Variants in CPXM2 observed in about 807,000 individuals in gnomAD.
CPXM2 encodes the protein carboxypeptidase X, M14 family member 2.
A neutral mutation model predicts 86.1 loss-of-function variants in CPXM2; 66 were observed. That is an observed-to-expected ratio of 0.77 (90% CI 0.63 to 0.94). CPXM2 has a LOEUF of 0.94. CPXM2 is among the 40% of genes least tolerant of loss of function. The pLI, the probability that CPXM2 is intolerant of heterozygous loss-of-function variation, is 0.00. For missense variants in CPXM2, 948 were observed against 1,026.3 expected (o/e 0.92, Z 1.04); for synonymous variants, 388 against 400.2 (o/e 0.97, Z 0.36).
At chr10:123,936,761 A>G (rs902355918) in intron 2 of CPXM2, among the ~76,000 whole-genome samples, 3 of 149,966 alleles carry the variant, frequency 2.0e-5, no homozygotes, top group African/African-American at 7.4e-5. Flanking sequence ...CTCTCCCCAT[A>G]CTCCCACCTC....
intron 11 of CPXM2, 66 bp from the exon 12 acceptor site, chr10:123,757,418 C>T (rs1024728818): frequency 3.0e-6 from 4 of 1,348,426 alleles, no homozygotes; most frequent in African/African-American, 2.9e-5. Flanking sequence ...GAATGCGGCA[C>T]AGCGGGCAGC....
At chr10:123,875,285 G>A (rs1010941074) in intron 2 of CPXM2, among the ~76,000 whole-genome samples, 1 of 152,206 alleles carries the variant, frequency 6.6e-6, no homozygotes, top group African/African-American at 2.4e-5. Context: ...AAAATAGCAA[G>A]GAGTAGGGGC....
chr10:123,915,765 T>C (rs1945529770), intron 2 of CPXM2, among the ~76,000 whole-genome samples: 1 of 152,102 alleles, frequency 6.6e-6, no homozygotes, highest in East Asian at 1.9e-4. Flanking sequence ...ATGTATTATT[T>C]TGAAAGCTAA....
At chr10:123,788,435 G>C (rs888718181) in intron 6 of CPXM2, among the ~76,000 whole-genome samples, 1 of 152,084 alleles carries the variant, frequency 6.6e-6, no homozygotes. Flanking sequence ...AAGCAAGCCC[G>C]ATACGAAACT....
chr10:123,868,577 C>A (rs1406947923), intron 2 of CPXM2, among the ~76,000 whole-genome samples: 2 of 151,940 alleles, frequency 1.3e-5, no homozygotes, highest in Non-Finnish European at 2.9e-5. Flanking sequence ...ATTCTAAGGG[C>A]TGAAGGAAAA....
chr10:123,899,254 A>C (rs1452697757), intron 2 of CPXM2, among the ~76,000 whole-genome samples: 1 of 152,250 alleles, frequency 6.6e-6, no homozygotes, highest in African/African-American at 2.4e-5. Flanking sequence ...AAATACATAA[A>C]GTATACATAA....
At chr10:123,809,517 T>C (rs1340445882) in intron 4 of CPXM2, among the ~76,000 whole-genome samples, 4 of 152,110 alleles carry the variant, frequency 2.6e-5, no homozygotes, top group Admixed American at 6.6e-5. Context: ...CACTCTAAGA[T>C]ATATAAATAG....
chr10:123,937,349 C>T (rs987005588), intron 2 of CPXM2, among the ~76,000 whole-genome samples: 2 of 152,014 alleles, frequency 1.3e-5, no homozygotes, highest in African/African-American at 2.4e-5. Context: ...AGGGGGCTTC[C>T]CTCAGCGATG....
chr10:123,908,043 A>T (rs532612076), intron 2 of CPXM2, among the ~76,000 whole-genome samples: 30 of 152,278 alleles, frequency 2.0e-4, no homozygotes, highest in Non-Finnish European at 2.8e-4. Context: ...GAGAGATGTG[A>T]CAAGGACCAT....
At chr10:123,906,422 T>C (rs1251675063) in intron 2 of CPXM2, among the ~76,000 whole-genome samples, 1 of 152,200 alleles carries the variant, frequency 6.6e-6, no homozygotes, top group Admixed American at 6.5e-5. Flanking sequence ...ATACAGCACC[T>C]TTCTTCCAGA....
intron 6 of CPXM2, among the ~76,000 whole-genome samples, chr10:123,797,504 T>G (rs531363073): frequency 6.6e-6 from 1 of 152,358 alleles, no homozygotes; most frequent in Non-Finnish European, 1.5e-5. Context: ...TTGGTTCACT[T>G]ATGTTTTCTA....
rs546085111 is a variant in CPXM2 at position 123,807,906 on chromosome 10, G to A, written c.654-8707C>T. Among the ~76,000 whole-genome samples, 4 of 152,196 alleles carry A rather than the reference G, an allele frequency of 2.6e-5. No individual in the cohort carries two copies. The South Asian group carries it at 8.3e-4, about 32-fold the overall frequency. On this transcript the variant is annotated intron_variant, in intron 4 of 13. Transcript: ENST00000241305. The stretch of plus-strand genomic sequence containing the variant: ...TTATTCCACATCACAAAACCACTTT[G>A]ACATTTAATTCTCTGCAACTGGAGG...
chr10:123,892,384 A>AC (rs34992078), upstream of CPXM2, among the ~76,000 whole-genome samples: 199 of 151,720 alleles, frequency 1.3e-3, no homozygotes, highest in Non-Finnish European at 2.3e-3. Context: ...CAGTGACGTT[A>AC]CCCCAAGGTG....
At position 123,865,766 on chromosome 10, in the gene CPXM2, G is replaced by A. The variant is rs1349249997; in HGVS notation, c.404-3043C>T. Among the ~76,000 whole-genome samples the A allele has an allele frequency of 3.9e-5, 6 of 152,140 alleles. No homozygotes were observed. Among genetic ancestry groups the A allele is most frequent in the East Asian group, 1.9e-4 (1 of 5,186 alleles). On this transcript the variant is annotated intron_variant, in intron 2 of 13. Transcript: ENST00000241305. This position sits in a 1 kb window ranked among gnomAD's most constrained non-coding sequence, Gnocchi z 4.7. Reference sequence around the variant, plus strand: ...GGGTGAACACAGCTCAGGCAGGCTCGCCCAGCTTCTGAGTTATGGGTTCTT... The same window carrying A: ...GGGTGAACACAGCTCAGGCAGGCTCACCCAGCTTCTGAGTTATGGGTTCTT...
At chr10:123,875,451 G>A (rs576068308) in intron 2 of CPXM2, among the ~76,000 whole-genome samples, 10 of 152,208 alleles carry the variant, frequency 6.6e-5, no homozygotes, top group South Asian at 4.2e-4. Context: ...CTACTGTGTC[G>A]GTAAAATCTT....
chr10:123,887,057 CT>C (rs1945188241), intron 1 of CPXM2: 1 of 152,170 alleles, frequency 6.6e-6, no homozygotes, highest in East Asian at 1.9e-4. Context: ...GATCTAGAAA[CT>C]GTCAAATTCA....
intron 2 of CPXM2, among the ~76,000 whole-genome samples, chr10:123,874,957 T>C (rs531164924): frequency 6.6e-6 from 1 of 152,324 alleles, no homozygotes; most frequent in African/African-American, 2.4e-5. Flanking sequence ...GTCTGGGAAG[T>C]ATTTCTAGGC....
At chr10:123,922,585 G>A (rs1029366689) in intron 2 of CPXM2, among the ~76,000 whole-genome samples, 1 of 152,204 alleles carries the variant, frequency 6.6e-6, no homozygotes, top group African/African-American at 2.4e-5. Context: ...AGTCCCCTGA[G>A]TTTGCATAAG....
Position 123,885,345 on chromosome 10 carries a change from G to A in CPXM2, c.305-5036C>T, listed in dbSNP as rs1391818816. On this transcript the variant is annotated intron_variant, in intron 1 of 13. Transcript: ENST00000241305. The surrounding 1 kb of genome is among the most constrained non-coding windows in gnomAD (Gnocchi z 4.0). ...TCGTACACCTCCTCCAAAAGCTCGGGTTATTAATTGTTCCCATGCCATCGT... is the reference window on the plus strand; with the variant it reads ...TCGTACACCTCCTCCAAAAGCTCGGATTATTAATTGTTCCCATGCCATCGT... Among the ~76,000 whole-genome samples the A allele has an allele frequency of 2.0e-5, 3 of 152,150 alleles. No individual in the cohort carries two copies. Among genetic ancestry groups the A allele is most frequent in the Admixed American group, 6.5e-5 (1 of 15,270 alleles).
Sources: gnomAD v4.1 joint callset for allele counts (sites outside exome capture counted in the v4.1 genomes callset) on GRCh38, gnomAD v4.1.1 for gene constraint, Gnocchi (gnomAD v3.1) non-coding constraint, MANE v1.5 for transcripts, NCBI Gene and HGNC (gene_info 2026-07-23, HGNC 2026-07-21) for gene names.